Variants in FBXL17 observed in about 807,000 individuals in gnomAD.
The protein encoded by FBXL17 is F-box/LRR-repeat protein 17.
In FBXL17, 22 loss-of-function variants were observed where a neutral mutation model predicts 66.2. The ratio of observed to expected loss-of-function variants is 0.33; its 90% CI spans 0.24 to 0.47. The LOEUF (loss-of-function observed/expected upper bound fraction) is 0.47, where lower values mean the gene tolerates loss of function less well. FBXL17 is among the 20% of genes least tolerant of loss of function. The probability of loss-of-function intolerance (pLI) is 1.00; values close to 1 mark genes in which losing one functional copy is unlikely to be tolerated. For missense variants in FBXL17, 878 were observed against 948.2 expected (o/e 0.93, Z 0.97); for synonymous variants, 474 against 400.5 (o/e 1.18, Z -2.19).
At chr5:107,916,358 T>C (rs971878683) in intron 7 of FBXL17, among the ~76,000 whole-genome samples, 2 of 152,202 alleles carry the variant, frequency 1.3e-5, no homozygotes, top group African/African-American at 4.8e-5. Context: ...CCCAACCTTA[T>C]ACACATTCTA....
At chr5:108,073,112 G>C (rs1017597631) in intron 6 of FBXL17, among the ~76,000 whole-genome samples, 2 of 152,090 alleles carry the variant, frequency 1.3e-5, no homozygotes, top group African/African-American at 4.8e-5. Context: ...TTGGATAAAA[G>C]GCACAGTAAA....
At chr5:108,039,889 A>C (rs1363503918) in intron 6 of FBXL17, among the ~76,000 whole-genome samples, 5 of 152,192 alleles carry the variant, frequency 3.3e-5, no homozygotes, top group Non-Finnish European at 7.4e-5. Flanking sequence ...TTAATGCCTA[A>C]AGTTCCATGC....
At chr5:108,096,028 T>C (rs1749354240) in intron 6 of FBXL17, among the ~76,000 whole-genome samples, 1 of 152,202 alleles carries the variant, frequency 6.6e-6, no homozygotes, top group African/African-American at 2.4e-5. Flanking sequence ...ACCATATCAA[T>C]CTAGTTATCT....
At chr5:107,877,777 T>C (rs932391715) in intron 8 of FBXL17, among the ~76,000 whole-genome samples, 1 of 152,058 alleles carries the variant, frequency 6.6e-6, no homozygotes, top group African/African-American at 2.4e-5. Flanking sequence ...AGAACTCTAA[T>C]GGGTTTTCTT....
At chr5:108,137,938 C>T (rs1751205957) in intron 6 of FBXL17, among the ~76,000 whole-genome samples, 2 of 152,122 alleles carry the variant, frequency 1.3e-5, no homozygotes, top group South Asian at 4.2e-4. Flanking sequence ...TACTCAAGAG[C>T]TATTAAAACT....
At chr5:107,872,233 C>G (rs1327315572) in intron 8 of FBXL17, among the ~76,000 whole-genome samples, 1 of 152,128 alleles carries the variant, frequency 6.6e-6, no homozygotes, top group African/African-American at 2.4e-5. Context: ...TGAAAGATGC[C>G]AAGTTCAACC....
At chr5:108,096,025 C>T (rs1467770288) in intron 6 of FBXL17, among the ~76,000 whole-genome samples, 1 of 152,116 alleles carries the variant, frequency 6.6e-6, no homozygotes, top group Non-Finnish European at 1.5e-5. Context: ...ATTACCATAT[C>T]AATCTAGTTA....
intron 6 of FBXL17, among the ~76,000 whole-genome samples, chr5:108,154,614 TATAC>T (rs1346692966): frequency 1.4e-4 from 14 of 98,292 alleles, no homozygotes; most frequent in African/African-American, 4.5e-4. Flanking sequence ...AAAATATATA[TATAC>T]ACACACACAC....
chr5:108,141,692 CCTAAT>C (rs567866385), intron 6 of FBXL17, among the ~76,000 whole-genome samples: 96 of 152,256 alleles, frequency 6.3e-4, no homozygotes, highest in African/African-American at 2.2e-3. Flanking sequence ...AAGATGGCAT[CCTAAT>C]CTCTGTAAGA....
chr5:108,290,385 C>G (rs1400478031), intron 4 of FBXL17, among the ~76,000 whole-genome samples: 22 of 152,042 alleles, frequency 1.4e-4, no homozygotes, highest in Admixed American at 1.4e-3. Context: ...TTTTTTTACC[C>G]CATGTCTCGT....
chr5:108,200,316 G>A (rs1222010265), intron 5 of FBXL17, among the ~76,000 whole-genome samples: 1 of 152,078 alleles, frequency 6.6e-6, no homozygotes, highest in Admixed American at 6.6e-5. Context: ...GAAAGGTTCT[G>A]AGGGGAAGGA....
intron 6 of FBXL17, among the ~76,000 whole-genome samples, chr5:108,021,306 AT>A (rs1754592324): frequency 6.7e-6 from 1 of 149,320 alleles, no homozygotes; most frequent in Non-Finnish European, 1.5e-5. Flanking sequence ...AATATATATT[AT>A]TTATATAATA....
At chr5:108,291,040 A>G (rs1252501604) in intron 4 of FBXL17, among the ~76,000 whole-genome samples, 1 of 152,210 alleles carries the variant, frequency 6.6e-6, no homozygotes, top group African/African-American at 2.4e-5. Context: ...GAACAGATTT[A>G]AATTGTCCTG....
chr5:107,887,761 G>A (rs527506004), intron 7 of FBXL17, among the ~76,000 whole-genome samples: 1 of 152,272 alleles, frequency 6.6e-6, no homozygotes, highest in East Asian at 1.9e-4. Flanking sequence ...AATCACAGGT[G>A]CCTATTCAAA....
chr5:108,052,857 C>A (rs1040421958), intron 6 of FBXL17, among the ~76,000 whole-genome samples: 1 of 152,066 alleles, frequency 6.6e-6, no homozygotes, highest in Non-Finnish European at 1.5e-5. Flanking sequence ...ACAAATAGAC[C>A]AATGGAACAG....
intron 4 of FBXL17, among the ~76,000 whole-genome samples, chr5:108,313,398 C>T (rs2150202961): frequency 6.6e-6 from 1 of 152,208 alleles, no homozygotes; most frequent in Middle Eastern, 3.4e-3. Flanking sequence ...CACTTAAGGC[C>T]ATTTAATTTC....
At chr5:108,352,699 C>T (rs1224031388) in intron 3 of FBXL17, among the ~76,000 whole-genome samples, 2 of 152,156 alleles carry the variant, frequency 1.3e-5, no homozygotes, top group South Asian at 2.1e-4. Context: ...TTAGTAGACA[C>T]GGAGTTTCAC....
chr5:108,000,885 A>G (rs1753694555), intron 7 of FBXL17, among the ~76,000 whole-genome samples: 1 of 152,242 alleles, frequency 6.6e-6, no homozygotes, highest in Admixed American at 6.5e-5. Context: ...AACATAGCAC[A>G]ATAAATTATT....
intron 6 of FBXL17, among the ~76,000 whole-genome samples, chr5:108,046,326 A>G (rs1409389940): frequency 2.6e-5 from 4 of 152,092 alleles, no homozygotes; most frequent in African/African-American, 9.7e-5. Flanking sequence ...CAACCTGCCT[A>G]TATTGTTATA....
Sources: gnomAD v4.1 joint callset for allele counts (sites outside exome capture counted in the v4.1 genomes callset) on GRCh38, gnomAD v4.1.1 for gene constraint, MANE v1.5 for transcripts, NCBI Gene and HGNC (gene_info 2026-07-23, HGNC 2026-07-21) for gene names.